The following NYAP1 variants were observed in gnomAD, a reference collection of about 807,000 sequenced individuals.
NYAP1 encodes neuronal tyrosine phosphorylated phosphoinositide-3-kinase adaptor 1, also known as neuronal tyrosine-phosphorylated phosphoinositide-3-kinase adapter 1.
NYAP1 carries 20 observed loss-of-function variants against 58.6 expected under a neutral mutation model. The observed-to-expected ratio is 0.34, with a 90% CI of 0.24 to 0.50. The LOEUF (loss-of-function observed/expected upper bound fraction) is 0.50. Among genes scored for constraint, NYAP1 ranks in the 20% least tolerant of loss-of-function variants. The probability of loss-of-function intolerance (pLI) is 0.98; values close to 1 mark genes in which losing one functional copy is unlikely to be tolerated. For missense variants in NYAP1, 1,150 were observed against 1,194.5 expected (o/e 0.96, Z 0.55); for synonymous variants, 572 against 523.1 (o/e 1.09, Z -1.27).
At position 100,485,352 on chromosome 7, in the gene NYAP1, A is replaced by G; in HGVS notation, c.41A>G (p.Gln14Arg). 6.2e-7 allele frequency: 1 copy of G among 1,604,034 alleles called. No individual in the cohort carries two copies. Among genetic ancestry groups the G allele is most frequent in the Non-Finnish European group, 8.5e-7 (1 of 1,174,922 alleles). Residue 14 changes from glutamine to arginine, a missense_variant, in exon 2 of 7, where the codon CAG becomes CGG. Transcript: ENST00000300179. This position sits in a 1 kb window ranked among gnomAD's most constrained non-coding sequence, Gnocchi z 5.7. ...LYRKTKLEWR[Q>R]HKEEEAKRSS... Reference sequence around the variant, plus strand: ...CGAAAAACCAAGCTGGAGTGGAGGCAGCACAAGGAAGAGGAGGCCAAGAGG... The same window carrying G: ...CGAAAAACCAAGCTGGAGTGGAGGCGGCACAAGGAAGAGGAGGCCAAGAGG...
At position 100,489,433 on chromosome 7, in the gene NYAP1, G is replaced by T; in HGVS notation, c.1712G>T (p.Gly571Val). 1 of 1,612,964 alleles carries T rather than the reference G, an allele frequency of 6.2e-7. No homozygotes were observed. Among genetic ancestry groups the T allele is most frequent in the Non-Finnish European group, 8.5e-7 (1 of 1,179,880 alleles). Reference sequence around the variant, plus strand: ...GCCTATGAGAGCCTCAAGGCTGGGGGGGTGCTGAATAAGGGCTGTGGTGTG... The same window carrying T: ...GCCTATGAGAGCCTCAAGGCTGGGGTGGTGCTGAATAAGGGCTGTGGTGTG... Reference protein sequence around the residue: ...PPAYESLKAGGVLNKGCGVGA... With the variant: ...PPAYESLKAGVVLNKGCGVGA... Residue 571 changes from glycine to valine, a missense_variant, in exon 4 of 7, where the codon GGG (glycine) becomes GTG (valine). Coordinates refer to ENST00000300179, the MANE Select transcript of NYAP1 (RefSeq NM_173564.4).
chr7:100,493,945 G>T lies in NYAP1; in HGVS notation c.*42G>T. ...CCGGGGCGCCTGGACTGGGGAGGGG[G>T]CGGGCACGCCTGGCTCTCCCGGGAG... On this transcript the variant is annotated 3_prime_UTR_variant, in exon 7 of 7. Transcript: ENST00000300179. 1 of 1,385,788 alleles carries T rather than the reference G, an allele frequency of 7.2e-7. No homozygotes were observed. Among genetic ancestry groups the T allele is most frequent in the Non-Finnish European group, 9.4e-7 (1 of 1,067,254 alleles). 85.8% of individuals were successfully genotyped at this position (1,385,788 alleles called of 1,614,324 possible). A position where few individuals can be genotyped will look rare whatever the true frequency, so the allele number is the denominator to read the frequency against.
chr7:100,486,711 C>T lies in NYAP1; in HGVS notation c.69-110C>T, dbSNP rs375234605. The T allele has an allele frequency of 1.7e-4, 226 of 1,296,302 alleles. 5 individuals are homozygous for T. The East Asian group carries it at 1.9e-3, about 11-fold the overall frequency. 80.3% of individuals were successfully genotyped at this position (1,296,302 alleles called of 1,614,324 possible). On this transcript the variant is annotated intron_variant, in intron 2 of 6. Transcript: ENST00000300179. The surrounding 1 kb of genome is among the most constrained non-coding windows in gnomAD (Gnocchi z 6.2). ...GCAACCCTGTCCCCACCCAGGCTCC[C>T]GTCCTCTTCCCTGGGAAGCCACAGG... is the stretch of plus-strand genomic sequence containing the variant.
At position 100,493,845 on chromosome 7, in the gene NYAP1, A is replaced by G; in HGVS notation, c.2468A>G (p.Lys823Arg). ...TGGCGGCGGGGACCCGAGCCCCGCA[A>G]GTCCGGCACCCCGCCCTGCCGCCGG... ...PSWRRGPEPR[K>R]SGTPPCRRQH... The change falls in exon 7 of 7, where the codon AAG becomes AGG. Residue 823 changes from lysine (K) to arginine (R), a missense_variant. Transcript: ENST00000300179. 1 of 1,558,696 alleles carries G rather than the reference A, an allele frequency of 6.4e-7. No individual in the cohort carries two copies. The highest frequency in any genetic ancestry group is 8.6e-7 in the Non-Finnish European group (1 of 1,156,522).
chr7:100,493,914 G>A lies in NYAP1; in HGVS notation c.*11G>A. ...GACACCGCCATCTGAGGCGGGCGGGGGGGTACCGGGGCGCCTGGACTGGGG... is the reference window on the plus strand; with the variant it reads ...GACACCGCCATCTGAGGCGGGCGGGAGGGTACCGGGGCGCCTGGACTGGGG... On this transcript the variant is annotated 3_prime_UTR_variant, in exon 7 of 7. Transcript: ENST00000300179. 7.0e-7 allele frequency: 1 copy of A among 1,428,632 alleles called. No individual in the cohort carries two copies. The highest frequency in any genetic ancestry group is 2.8e-5 in the East Asian group (1 of 36,108). 88.5% of individuals were successfully genotyped at this position (1,428,632 alleles called of 1,614,324 possible).
At position 100,485,288 on chromosome 7, in the gene NYAP1, A is replaced by G; in HGVS notation, c.-24A>G. The G allele has an allele frequency of 7.0e-7, 1 of 1,431,596 alleles. No homozygotes were observed. The highest frequency in any genetic ancestry group is 9.3e-7 in the Non-Finnish European group (1 of 1,073,958). 88.7% of individuals were successfully genotyped at this position (1,431,596 alleles called of 1,614,324 possible). A position where few individuals can be genotyped will look rare whatever the true frequency, so the allele number is the denominator to read the frequency against. Reference sequence around the variant, plus strand: ...CTGGTGGCACTGAGCAGGGCCCCCCAGCCCCCACCTCCTGCCCCACGAGAT... The same window carrying G: ...CTGGTGGCACTGAGCAGGGCCCCCCGGCCCCCACCTCCTGCCCCACGAGAT... On this transcript the variant is annotated 5_prime_UTR_variant, in exon 2 of 7. Transcript: ENST00000300179. The surrounding 1 kb of genome is among the most constrained non-coding windows in gnomAD (Gnocchi z 5.7).
At chr7:100,492,238 C>CAA (rs780264131) in intron 6 of NYAP1, among the ~76,000 whole-genome samples, 2 of 115,644 alleles carry the variant, frequency 1.7e-5, no homozygotes, top group African/African-American at 3.2e-5. Context: ...GACTCTGTCT[C>CAA]AAAAAAAAAA....
intron 6 of NYAP1, among the ~76,000 whole-genome samples, chr7:100,491,929 C>T (rs547100609): frequency 6.6e-6 from 1 of 152,322 alleles, no homozygotes; most frequent in African/African-American, 2.4e-5. Flanking sequence ...CGCCTGTAGT[C>T]CCAGCTACTC....
At chr7:100,492,188 A>C (rs1799805303) in intron 6 of NYAP1, among the ~76,000 whole-genome samples, 1 of 151,888 alleles carries the variant, frequency 6.6e-6, no homozygotes. Context: ...GCAGTGAGCC[A>C]AGATCATGCC....
At position 100,490,901 on chromosome 7, in the gene NYAP1, G is replaced by A; in HGVS notation, c.2159-85G>A. On this transcript the variant is annotated intron_variant, in intron 5 of 6. Coordinates refer to ENST00000300179, the MANE Select transcript of NYAP1 (RefSeq NM_173564.4). The surrounding 1 kb of genome is among the most constrained non-coding windows in gnomAD (Gnocchi z 4.6). The stretch of plus-strand genomic sequence containing the variant: ...CCTTCTGATGAGGCAGGGGCAGCCT[G>A]GACCATTCAAGGGCAGGGGACTGGG... 1 of 1,103,924 alleles carries A rather than the reference G, an allele frequency of 9.1e-7. No individual in the cohort carries two copies. The highest frequency in any genetic ancestry group is 1.3e-6 in the Non-Finnish European group (1 of 768,730). 68.4% of individuals were successfully genotyped at this position (1,103,924 alleles called of 1,614,324 possible).
At position 100,487,396 on chromosome 7, in the gene NYAP1, G is replaced by A. The variant is rs1799720604; in HGVS notation, c.430+214G>A. ...TCCCTGAAAAGTTCTTGAGAAAGGGGTGGTGGCCTCAGAGGGACAATGAAG... is the reference window on the plus strand; with the variant it reads ...TCCCTGAAAAGTTCTTGAGAAAGGGATGGTGGCCTCAGAGGGACAATGAAG... On this transcript the variant is annotated intron_variant, in intron 3 of 6. Transcript: ENST00000300179. The surrounding 1 kb of genome is among the most constrained non-coding windows in gnomAD (Gnocchi z 4.1). Among the ~76,000 whole-genome samples, 8 of 152,316 alleles carry A rather than the reference G, an allele frequency of 5.3e-5. No individual in the cohort carries two copies. In the South Asian group the frequency reaches 1.7e-3, roughly 32 times the overall value.
In NYAP1 at chr7:100,487,207, G is replaced by C; in HGVS notation, c.430+25G>C. 1 of 1,476,804 alleles carries C rather than the reference G, an allele frequency of 6.8e-7. No individual in the cohort carries two copies. The highest frequency in any genetic ancestry group is 9.0e-7 in the Non-Finnish European group (1 of 1,114,490). 91.5% of individuals were successfully genotyped at this position (1,476,804 alleles called of 1,614,324 possible). ...GGTGAGATACCCCCTATCTCTCCCT[G>C]GGGTGGAGCTGGGAGCTGGGAGGAT... On this transcript the variant is annotated intron_variant, in intron 3 of 6. Transcript: ENST00000300179. The surrounding 1 kb of genome is among the most constrained non-coding windows in gnomAD (Gnocchi z 4.1).
chr7:100,490,429 G>GT lies in NYAP1; in HGVS notation c.1946-87dup, dbSNP rs1282286953. 2 of 1,278,168 alleles carry GT rather than the reference G, an allele frequency of 1.6e-6. No individual in the cohort carries two copies. Among genetic ancestry groups the GT allele is most frequent in the Admixed American group, 4.0e-5 (2 of 50,264 alleles). The allele number at this position is 1,278,168 out of a possible 1,614,324, so 79.2% of individuals were successfully genotyped here. ...GCAAAAGGGGCAATTGTGTCTCCTG[G>GT]TCCACCCATACTGCAGCATGTGTGG... On this transcript the variant is annotated intron_variant, in intron 4 of 6. Coordinates refer to ENST00000300179, the MANE Select transcript of NYAP1 (RefSeq NM_173564.4). This position sits in a 1 kb window ranked among gnomAD's most constrained non-coding sequence, Gnocchi z 4.6.
In NYAP1 at chr7:100,489,543, G is replaced by T; in HGVS notation, c.1822G>T (p.Val608Phe). 1 of 1,613,460 alleles carries T rather than the reference G, an allele frequency of 6.2e-7. No homozygotes were observed. ...GAFASISCAH[V>F]IASAGTPEEE... is the part of the protein sequence containing the mutation. ...TTTTGCCAGCATCTCCTGTGCCCAC[G>T]TCATCGCCAGCGCAGGGACACCAGA... Residue 608 changes from valine to phenylalanine, a missense_variant, in exon 4 of 7, where the codon GTC becomes TTC. Transcript: ENST00000300179.
rs563740424 is a variant in NYAP1, at chr7:100,488,265, C to A, written c.544C>A (p.Pro182Thr). The A allele has an allele frequency of 5.0e-6, 8 of 1,613,996 alleles. No homozygotes were observed. The South Asian group carries it at 6.6e-5, about 13-fold the overall frequency. ...TGTCTCCTTCGATGAGTCCTGCCCC[C>A]CAGGCCCCTCTCCTCGAGGGGGGAA... ...LSVSFDESCP[P>T]GPSPRGGNLP... Residue 182 changes from proline to threonine, a missense_variant, in exon 4 of 7, where the codon CCA (proline) becomes ACA (threonine). Pro to Thr is a conservative substitution (Grantham distance 38). Transcript: ENST00000300179. This position sits in a 1 kb window ranked among gnomAD's most constrained non-coding sequence, Gnocchi z 5.9.
Position 100,491,560 on chromosome 7 carries a change from G to A in NYAP1, c.2268+465G>A, listed in dbSNP as rs187256167. On this transcript the variant is annotated intron_variant, in intron 6 of 6. Transcript: ENST00000300179. ...TGCATTGAGCCATGATCACGCTACT[G>A]CGTTCCAGTCTGAGCCACAGAGTGA... is the stretch of plus-strand genomic sequence containing the variant. Among the ~76,000 whole-genome samples the A allele has an allele frequency of 2.0e-5, 3 of 151,788 alleles. No homozygotes were observed. The East Asian group carries it at 5.8e-4, about 30-fold the overall frequency.
chr7:100,487,183 G>T lies in NYAP1; in HGVS notation c.430+1G>T. 6.7e-7 allele frequency: 1 copy of T among 1,486,050 alleles called. No individual in the cohort carries two copies. The highest frequency in any genetic ancestry group is 8.9e-7 in the Non-Finnish European group (1 of 1,119,518). The allele number at this position is 1,486,050 out of a possible 1,614,324, so 92.1% of individuals were successfully genotyped here. On this transcript the variant is annotated splice_donor_variant, in intron 3 of 6. Coordinates refer to ENST00000300179, the MANE Select transcript of NYAP1 (RefSeq NM_173564.4). LOFTEE classifies it high-confidence loss of function. The surrounding 1 kb of genome is among the most constrained non-coding windows in gnomAD (Gnocchi z 4.1). ...GAGACGCCCCCCAGCAAGAAAGCAG[G>T]TGAGATACCCCCTATCTCTCCCTGG... is the stretch of plus-strand genomic sequence containing the variant.
At position 100,488,107 on chromosome 7, in the gene NYAP1, C is replaced by A; in HGVS notation, c.431-45C>A. The A allele has an allele frequency of 6.9e-7, 1 of 1,454,710 alleles. No individual in the cohort carries two copies. Among genetic ancestry groups the A allele is most frequent in the Non-Finnish European group, 9.3e-7 (1 of 1,077,030 alleles). 90.1% of individuals were successfully genotyped at this position (1,454,710 alleles called of 1,614,324 possible). A position where few individuals can be genotyped will look rare whatever the true frequency, so the allele number is the denominator to read the frequency against. ...GAATGGGCTCCTCCCACTTGCTCCCCTCATTAAAAGCCTGGTTTATTTTTC... is the reference window on the plus strand; with the variant it reads ...GAATGGGCTCCTCCCACTTGCTCCCATCATTAAAAGCCTGGTTTATTTTTC... On this transcript the variant is annotated intron_variant, in intron 3 of 6. Transcript: ENST00000300179. This position sits in a 1 kb window ranked among gnomAD's most constrained non-coding sequence, Gnocchi z 5.9.
chr7:100,489,390 G>C lies in NYAP1; in HGVS notation c.1669G>C (p.Gly557Arg), dbSNP rs527806913. 1.9e-6 allele frequency: 3 copies of C among 1,612,916 alleles called. No homozygotes were observed. The highest frequency in any genetic ancestry group is 2.5e-6 in the Non-Finnish European group (3 of 1,179,958). The change falls in exon 4 of 7, where the codon GGG becomes CGG. Residue 557 changes from glycine (G) to arginine (R), a missense_variant. Coordinates refer to ENST00000300179, the MANE Select transcript of NYAP1 (RefSeq NM_173564.4). The part of the protein sequence containing the change: ...PLWTYPATAA[G>R]LKRPPAYESL... ...GTGGACCTACCCAGCCACAGCAGCT[G>C]GGCTCAAGAGACCCCCTGCCTATGA...
Sources: gnomAD v4.1 joint callset for allele counts (sites outside exome capture counted in the v4.1 genomes callset) on GRCh38, gnomAD v4.1.1 for gene constraint, Gnocchi (gnomAD v3.1) non-coding constraint, MANE v1.5 for transcripts, NCBI Gene and HGNC (gene_info 2026-07-23, HGNC 2026-07-21) for gene names.